The following RFTN1 variants were observed in gnomAD, a reference collection of about 807,000 sequenced individuals.
RFTN1 encodes raftlin, lipid raft linker 1, also known as raftlin.
RFTN1 carries 26 observed loss-of-function variants against 46.5 expected under a neutral mutation model. The ratio of observed to expected loss-of-function variants is 0.56; its 90% CI spans 0.41 to 0.78. The LOEUF is 0.78. Ranked by LOEUF, RFTN1 falls within the 30% of genes least tolerant of loss-of-function variation. The pLI is 0.00. For missense variants in RFTN1, 693 were observed against 718.7 expected (o/e 0.96, Z 0.41); for synonymous variants, 261 against 284.2 (o/e 0.92, Z 0.82).
Position 16,440,018 on chromosome 3 carries a change from C to T in RFTN1, c.146-5981G>A, listed in dbSNP as rs1427712335. Among the ~76,000 whole-genome samples the T allele has an allele frequency of 6.6e-6, 1 of 152,106 alleles. No individual in the cohort carries two copies. The highest frequency in any genetic ancestry group is 1.5e-5 in the Non-Finnish European group (1 of 68,022). ...GACTCTAAGGCTGAACCACATGAAC[C>T]GTCTCATCATAAGTTAAAATTTCTA... On this transcript the variant is annotated intron_variant, in intron 2 of 9. Coordinates refer to ENST00000334133, the MANE Select transcript of RFTN1 (RefSeq NM_015150.2). The surrounding 1 kb of genome is among the most constrained non-coding windows in gnomAD (Gnocchi z 4.6).
intron 2 of RFTN1, among the ~76,000 whole-genome samples, chr3:16,461,801 C>G (rs934454342): frequency 1.1e-4 from 17 of 152,166 alleles, no homozygotes; most frequent in Admixed American, 5.9e-4. Context: ...AGTACACACA[C>G]CTTAAACCAT....
chr3:16,403,679 A>T (rs1371716722), intron 4 of RFTN1, among the ~76,000 whole-genome samples: 1 of 22,026 alleles, frequency 4.5e-5, no homozygotes, highest in African/African-American at 1.7e-4. Flanking sequence ...TATAATATAT[A>T]ATATATATAT....
chr3:16,439,079 C>T (rs190408043), intron 2 of RFTN1, among the ~76,000 whole-genome samples: 31 of 152,086 alleles, frequency 2.0e-4, no homozygotes, highest in Admixed American at 9.2e-4. Flanking sequence ...TGCATGCTGT[C>T]AAAGTAAATT....
chr3:16,457,333 C>A lies in RFTN1; in HGVS notation c.146-23296G>T, dbSNP rs1419174049. 6.6e-6 allele frequency among the ~76,000 whole-genome samples: 1 copy of A among 152,214 alleles called. No individual in the cohort carries two copies. The highest frequency in any genetic ancestry group is 1.5e-5 in the Non-Finnish European group (1 of 68,036). On this transcript the variant is annotated intron_variant, in intron 2 of 9. Coordinates refer to ENST00000334133, the MANE Select transcript of RFTN1 (RefSeq NM_015150.2). This position sits in a 1 kb window ranked among gnomAD's most constrained non-coding sequence, Gnocchi z 4.2. ...TTCAAATCCTGGCTTGGCCTCTTGC[C>A]AAGTGACCTTGCATGAGTTCTTAAT...
In RFTN1 at chr3:16,370,004, G is replaced by C; in HGVS notation, c.1030+72C>G. 7.3e-7 allele frequency: 1 copy of C among 1,367,306 alleles called. No homozygotes were observed. The highest frequency in any genetic ancestry group is 1.4e-5 in the African/African-American group (1 of 70,204). The allele number at this position is 1,367,306 out of a possible 1,614,324, so 84.7% of individuals were successfully genotyped here. ...TTCTGAATGAAGCAGACTCTGAAGA[G>C]GGACTAAGATTTCAAGAGTTAGAAG... On this transcript the variant is annotated intron_variant, in intron 6 of 9. Coordinates refer to ENST00000334133, the MANE Select transcript of RFTN1 (RefSeq NM_015150.2). This position sits in a 1 kb window ranked among gnomAD's most constrained non-coding sequence, Gnocchi z 5.5.
chr3:16,330,845 T>A (rs1406984342), intron 7 of RFTN1, among the ~76,000 whole-genome samples: 1 of 152,234 alleles, frequency 6.6e-6, no homozygotes, highest in African/African-American at 2.4e-5. Context: ...ATGTTTGTCT[T>A]TTGATGATTT....
rs766596976 is a variant in RFTN1 at position 16,320,408 on chromosome 3, A to G, written c.1332+2968T>C. 1.2e-4 allele frequency among the ~76,000 whole-genome samples: 19 copies of G among 152,216 alleles called. No homozygotes were observed. The highest frequency in any genetic ancestry group is 2.4e-4 in the Non-Finnish European group (16 of 68,032). On this transcript the variant is annotated intron_variant, in intron 9 of 9. Transcript: ENST00000334133. The surrounding 1 kb of genome is among the most constrained non-coding windows in gnomAD (Gnocchi z 4.5). ...CTTAAGTTTTAATGCTAGACATACT[A>G]TGTGTGTCCTCGCTAAGAAGCTGAT...
Position 16,342,431 on chromosome 3 carries a change from T to A in RFTN1, c.1146+15501A>T, listed in dbSNP as rs934010769. Among the ~76,000 whole-genome samples the A allele has an allele frequency of 6.6e-6, 1 of 152,254 alleles. No homozygotes were observed. Among genetic ancestry groups the A allele is most frequent in the Non-Finnish European group, 1.5e-5 (1 of 68,044 alleles). Reference sequence around the variant, plus strand: ...TGGATATACCATAGTTTATTCATCATTTGATGAACATTTAAGTTGTTTCTA... The same window carrying A: ...TGGATATACCATAGTTTATTCATCAATTGATGAACATTTAAGTTGTTTCTA... On this transcript the variant is annotated intron_variant, in intron 7 of 9. Transcript: ENST00000334133. The surrounding 1 kb of genome is among the most constrained non-coding windows in gnomAD (Gnocchi z 4.0).
rs1215069932 is a variant in RFTN1 at position 16,351,540 on chromosome 3, AC to A, written c.1146+6391del. Among the ~76,000 whole-genome samples the A allele has an allele frequency of 1.3e-5, 2 of 152,160 alleles. No individual in the cohort carries two copies. Among genetic ancestry groups the A allele is most frequent in the African/African-American group, 4.8e-5 (2 of 41,414 alleles). On this transcript the variant is annotated intron_variant, in intron 7 of 9. Coordinates refer to ENST00000334133, the MANE Select transcript of RFTN1 (RefSeq NM_015150.2). The surrounding 1 kb of genome is among the most constrained non-coding windows in gnomAD (Gnocchi z 5.4). ...GCGGGGTTGCAGAGGCTGTAATGAT[AC>A]CCTAAGCCATTCTACCTGAGGCTGT... is the stretch of plus-strand genomic sequence containing the variant.
chr3:16,377,381 G>A (rs947555499), intron 5 of RFTN1, among the ~76,000 whole-genome samples: 1 of 152,166 alleles, frequency 6.6e-6, no homozygotes. Flanking sequence ...TGCCTGGCAG[G>A]CTGACACTTC....
chr3:16,487,008 T>A (rs986064819), intron 2 of RFTN1, among the ~76,000 whole-genome samples: 1 of 152,082 alleles, frequency 6.6e-6, no homozygotes, highest in Non-Finnish European at 1.5e-5. Flanking sequence ...CTCTCTGCCA[T>A]GTGAGGACAC....
intron 9 of RFTN1, among the ~76,000 whole-genome samples, chr3:16,319,914 G>C (rs548292484): frequency 6.6e-6 from 1 of 152,146 alleles, no homozygotes; most frequent in African/African-American, 2.4e-5. Flanking sequence ...GAGTAGGACC[G>C]GGGGAGTCTC....
In RFTN1 at chr3:16,338,896, CTGTCAACGT is replaced by C. The variant is rs2071108601; in HGVS notation, c.1147-12029_1147-12021del. 6.6e-6 allele frequency among the ~76,000 whole-genome samples: 1 copy of C among 152,216 alleles called. No homozygotes were observed. Among genetic ancestry groups the C allele is most frequent in the Admixed American group, 6.5e-5 (1 of 15,288 alleles). ...TCTGCAGGAATTCTAGAACCCAAAA[CTGTCAACGT>C]TGTCCCCTCCACCTGTCAGCAGTGG... On this transcript the variant is annotated intron_variant, in intron 7 of 9. Coordinates refer to ENST00000334133, the MANE Select transcript of RFTN1 (RefSeq NM_015150.2). The surrounding 1 kb of genome is among the most constrained non-coding windows in gnomAD (Gnocchi z 5.3).
At chr3:16,415,430 T>TACACACACACACACACACACACACAC (rs1553589390) in intron 3 of RFTN1, among the ~76,000 whole-genome samples, 116 of 113,902 alleles carry the variant, frequency 1.0e-3, no homozygotes, top group Non-Finnish European at 1.4e-3. Flanking sequence ...TATATATATA[T>TACACACACACACACACACACACACAC]ACACACACAC....
rs763738224 is a variant in RFTN1, at chr3:16,316,739, A to C, written c.*89T>G. On this transcript the variant is annotated 3_prime_UTR_variant, in exon 10 of 10. Transcript: ENST00000334133. The surrounding 1 kb of genome is among the most constrained non-coding windows in gnomAD (Gnocchi z 4.5). The stretch of plus-strand genomic sequence containing the variant: ...CAAGCCAAAGGGTAGGTAACACACA[A>C]CACCAGGGAAACCAGCCCCCAAACC... 9.2e-6 allele frequency: 14 copies of C among 1,520,222 alleles called. No individual in the cohort carries two copies. Among genetic ancestry groups the C allele is most frequent in the Admixed American group, 1.7e-5 (1 of 58,302 alleles). 94.2% of individuals were successfully genotyped at this position (1,520,222 alleles called of 1,614,324 possible).
chr3:16,396,090 A>C (rs1337273445), intron 4 of RFTN1, among the ~76,000 whole-genome samples: 1 of 152,154 alleles, frequency 6.6e-6, no homozygotes, highest in Non-Finnish European at 1.5e-5. Flanking sequence ...TATAAGACAG[A>C]GTTGCTAAGG....
In RFTN1 at chr3:16,485,209, C is replaced by T. The variant is rs563887325; in HGVS notation, c.145+8516G>A. Among the ~76,000 whole-genome samples, 315 of 152,074 alleles carry T rather than the reference C, an allele frequency of 2.1e-3. 2 individuals carry two copies. Among genetic ancestry groups the T allele is most frequent in the African/African-American group, 7.3e-3 (302 of 41,458 alleles). ...ATAATAGCCCCAAACTGGAAATTTC[C>T]CAAATGTTCAACAGGAAAATGATTC... is the stretch of plus-strand genomic sequence containing the variant. On this transcript the variant is annotated intron_variant, in intron 2 of 9. Transcript: ENST00000334133.
rs2074957611 is a variant in RFTN1 at position 16,410,255 on chromosome 3, ACAC to A, written c.333-775_333-773del. ...CACACACACACACACACACACACAC[ACAC>A]AAACTCTCACTCCAGTAATGTCTAT... On this transcript the variant is annotated intron_variant, in intron 3 of 9. Coordinates refer to ENST00000334133, the MANE Select transcript of RFTN1 (RefSeq NM_015150.2). This position sits in a 1 kb window ranked among gnomAD's most constrained non-coding sequence, Gnocchi z 4.6. 7.0e-6 allele frequency among the ~76,000 whole-genome samples: 1 copy of A among 142,244 alleles called. No homozygotes were observed. Among genetic ancestry groups the A allele is most frequent in the South Asian group, 2.3e-4 (1 of 4,366 alleles). 93.3% of individuals were successfully genotyped at this position (142,244 alleles called of 152,430 possible).
At chr3:16,461,001 G>C (rs2076000590) in intron 2 of RFTN1, among the ~76,000 whole-genome samples, 1 of 152,254 alleles carries the variant, frequency 6.6e-6, no homozygotes, top group South Asian at 2.1e-4. Flanking sequence ...AGTGAGATGA[G>C]GAGGCCACGC....
Sources: gnomAD v4.1 joint callset for allele counts (sites outside exome capture counted in the v4.1 genomes callset) on GRCh38, gnomAD v4.1.1 for gene constraint, Gnocchi (gnomAD v3.1) non-coding constraint, MANE v1.5 for transcripts, NCBI Gene and HGNC (gene_info 2026-07-23, HGNC 2026-07-21) for gene names.